Variants in ENTREP2 observed in about 807,000 individuals in gnomAD.
ENTREP2 encodes protein ENTREP2.
chr15:29,171,640 G>A, the ENTREP2 span, among the ~76,000 whole-genome samples: 1 of 152,028 alleles, frequency 6.6e-6, no homozygotes, highest in Admixed American at 6.6e-5. Context: ...TACCCGATTA[G>A]CAATTTCATG....
At chr15:29,656,774 A>T in the ENTREP2 span, among the ~76,000 whole-genome samples, 1 of 152,072 alleles carries the variant, frequency 6.6e-6, no homozygotes. Context: ...TGGTAAAGCC[A>T]CTCTGAAAAA....
the ENTREP2 span, among the ~76,000 whole-genome samples, chr15:29,164,659 G>A: frequency 1.3e-5 from 2 of 152,108 alleles, no homozygotes; most frequent in African/African-American, 4.8e-5. Context: ...ATCTAACACT[G>A]GAGCGCCAAA....
the ENTREP2 span, chr15:29,675,221 G>A: frequency 6.6e-6 from 1 of 152,382 alleles, no homozygotes; most frequent in African/African-American, 2.4e-5. Context: ...TCCCGGGGCT[G>A]GCTCTCTCCC....
the ENTREP2 span, among the ~76,000 whole-genome samples, chr15:29,426,471 C>T: frequency 2.7e-5 from 4 of 150,314 alleles, no homozygotes; most frequent in Non-Finnish European, 5.9e-5. Flanking sequence ...AAAACAAAAA[C>T]ATCTCCTATA....
the ENTREP2 span, chr15:29,124,772 A>C: frequency 1.3e-6 from 2 of 1,549,554 alleles, no homozygotes; most frequent in Non-Finnish European, 1.7e-6. Context: ...CTTAACCAGA[A>C]GGAGAATTCA....
the ENTREP2 span, among the ~76,000 whole-genome samples, chr15:29,659,395 C>T: frequency 3.3e-5 from 5 of 152,204 alleles, no homozygotes; most frequent in African/African-American, 7.2e-5. Context: ...TGCTTGAATC[C>T]GGGAAGCGGA....
At chr15:29,378,702 C>T in the ENTREP2 span, among the ~76,000 whole-genome samples, 24 of 152,138 alleles carry the variant, frequency 1.6e-4, no homozygotes, top group African/African-American at 5.1e-4. Flanking sequence ...CCCACAACTG[C>T]GTGAGCCAAT....
the ENTREP2 span, among the ~76,000 whole-genome samples, chr15:29,423,921 G>A: frequency 6.6e-6 from 1 of 152,016 alleles, no homozygotes; most frequent in Non-Finnish European, 1.5e-5. Context: ...ATCTCAATGG[G>A]AAAAAAAATG....
the ENTREP2 span, among the ~76,000 whole-genome samples, chr15:29,387,414 G>A: frequency 6.6e-6 from 1 of 152,124 alleles, no homozygotes; most frequent in South Asian, 2.1e-4. Context: ...ACTTACAAGG[G>A]ATGTGAAGGA....
At chr15:29,295,436 CAT>C in the ENTREP2 span, among the ~76,000 whole-genome samples, 3 of 152,316 alleles carry the variant, frequency 2.0e-5, no homozygotes, top group African/African-American at 7.2e-5. Flanking sequence ...TAGAATCAGA[CAT>C]AAAACTCAGC....
chr15:29,536,662 G>A, the ENTREP2 span, among the ~76,000 whole-genome samples: 2 of 151,734 alleles, frequency 1.3e-5, no homozygotes, highest in African/African-American at 2.4e-5. Flanking sequence ...TCTCAGAATC[G>A]GAGTTTATTT....
the ENTREP2 span, among the ~76,000 whole-genome samples, chr15:29,344,968 ACAC>A: frequency 6.1e-5 from 9 of 147,880 alleles, no homozygotes; most frequent in Middle Eastern, 3.5e-3. Flanking sequence ...ACACACACAC[ACAC>A]GTCTGTGTTT....
chr15:29,370,536 C>T, the ENTREP2 span, among the ~76,000 whole-genome samples: 3 of 151,966 alleles, frequency 2.0e-5, no homozygotes, highest in Admixed American at 6.6e-5. Flanking sequence ...TGAGAAATGT[C>T]ATTTGCCTAA....
the ENTREP2 span, among the ~76,000 whole-genome samples, chr15:29,655,437 G>A: frequency 6.6e-6 from 1 of 152,088 alleles, no homozygotes; most frequent in Non-Finnish European, 1.5e-5. Context: ...GTAAAACGCC[G>A]TTCATTTTAG....
At chr15:29,137,533 G>C in the ENTREP2 span, among the ~76,000 whole-genome samples, 4 of 152,248 alleles carry the variant, frequency 2.6e-5, no homozygotes, top group African/African-American at 9.6e-5. Flanking sequence ...CCTGACGTGC[G>C]TGGTTTAAGA....
At chr15:29,170,894 T>C in the ENTREP2 span, among the ~76,000 whole-genome samples, 1 of 152,200 alleles carries the variant, frequency 6.6e-6, no homozygotes, top group Non-Finnish European at 1.5e-5. Flanking sequence ...ACAGACTGGG[T>C]AATTTACAAA....
the ENTREP2 span, chr15:29,267,171 T>TATA: frequency 6.6e-6 from 1 of 152,236 alleles, no homozygotes; most frequent in Admixed American, 6.5e-5. Flanking sequence ...CCATACTCAC[T>TATA]ATAGACTCTT....
the ENTREP2 span, among the ~76,000 whole-genome samples, chr15:29,186,787 T>C: frequency 2.0e-5 from 3 of 152,228 alleles, no homozygotes; most frequent in Non-Finnish European, 2.9e-5. Context: ...GTTCTTTCTC[T>C]TTCTTTGTTC....
At chr15:29,246,982 C>CACAT in the ENTREP2 span, among the ~76,000 whole-genome samples, 1 of 145,006 alleles carries the variant, frequency 6.9e-6, no homozygotes, top group Non-Finnish European at 1.5e-5. Context: ...GGCACACACA[C>CACAT]ACACACACAC....
Sources: gnomAD v4.1 joint callset for allele counts (sites outside exome capture counted in the v4.1 genomes callset) on GRCh38, gnomAD v4.1.1 for gene constraint, MANE v1.5 for transcripts, NCBI Gene and HGNC (gene_info 2026-07-23, HGNC 2026-07-21) for gene names.